The following GPHN variants were observed in gnomAD, a reference collection of about 807,000 sequenced individuals.
GPHN encodes the protein gephyrin.
GPHN carries 17 observed loss-of-function variants against 95.5 expected under a neutral mutation model. That is an observed-to-expected ratio of 0.18 (90% confidence interval 0.12 to 0.27). The LOEUF is 0.27. Among genes scored for constraint, GPHN ranks in the 10% least tolerant of loss-of-function variants. GPHN has a pLI of 1.00. For missense variants in GPHN, 660 were observed against 978.1 expected (o/e 0.67, Z 4.34); for synonymous variants, 320 against 322.5 (o/e 0.99, Z 0.08).
intron 3 of GPHN, among the ~76,000 whole-genome samples, chr14:66,793,394 T>C (rs149103834): frequency 1.3e-5 from 2 of 152,256 alleles, no homozygotes; most frequent in East Asian, 3.9e-4. Flanking sequence ...CACCAGATGG[T>C]ATGTCAAATC....
the GPHN span, among the ~76,000 whole-genome samples, chr14:67,520,690 G>A: frequency 1.1e-4 from 15 of 142,672 alleles, no homozygotes; most frequent in East Asian, 2.0e-3. Context: ...TCCTTTGGGC[G>A]TACCACAGTT....
At chr14:67,399,617 AG>A in the GPHN span, among the ~76,000 whole-genome samples, 3 of 147,388 alleles carry the variant, frequency 2.0e-5, no homozygotes, top group South Asian at 2.3e-4. Flanking sequence ...CTCAGGTGGC[AG>A]GAATAAAGAG....
chr14:67,143,746 C>T (rs1013164843), intron 18 of GPHN, among the ~76,000 whole-genome samples: 1 of 152,082 alleles, frequency 6.6e-6, no homozygotes, highest in Non-Finnish European at 1.5e-5. Flanking sequence ...ATCCTTTATG[C>T]ATGATATTTA....
chr14:66,700,263 C>T (rs2068434817), intron 2 of GPHN, among the ~76,000 whole-genome samples: 1 of 152,094 alleles, frequency 6.6e-6, no homozygotes, highest in Non-Finnish European at 1.5e-5. Flanking sequence ...TATACATTTT[C>T]AAAGAGAGAG....
At chr14:67,674,385 C>T in the GPHN span, 1 of 1,597,864 alleles carries the variant, frequency 6.3e-7, no homozygotes, top group African/African-American at 1.3e-5. Flanking sequence ...CGGTCCCCGC[C>T]GTCCCCAGCA....
At chr14:66,882,450 A>G (rs2063974726) in intron 5 of GPHN, among the ~76,000 whole-genome samples, 1 of 151,824 alleles carries the variant, frequency 6.6e-6, no homozygotes, top group Non-Finnish European at 1.5e-5. Flanking sequence ...ATGGTTTCCT[A>G]CTATTTGGAC....
intron 1 of GPHN, among the ~76,000 whole-genome samples, chr14:66,545,154 GCCGGGCAGAGGCGCCCCCCAC>G (rs1352365734): frequency 1.3e-5 from 2 of 152,026 alleles, no homozygotes; most frequent in Admixed American, 6.5e-5. Context: ...AGTAGGGGCG[GCCGGGCAGAGGCGCCCCCCAC>G]CTCCCGGACG....
intron 9 of GPHN, chr14:66,985,721 A>G (rs2070984002): frequency 6.5e-7 from 1 of 1,528,532 alleles, no homozygotes; most frequent in African/African-American, 1.4e-5. Flanking sequence ...AGTTGCTAGT[A>G]GAGTTGGATC....
At chr14:66,924,396 A>G in intron 8 of GPHN, 104 bp downstream of exon 8, 1 of 735,764 alleles carries the variant, frequency 1.4e-6, no homozygotes. Flanking sequence ...TTTTATTCTG[A>G]TGGATTTTCA....
intron 1 of GPHN, among the ~76,000 whole-genome samples, chr14:66,525,929 A>T (rs28776299): frequency 6.6e-6 from 1 of 151,750 alleles, no homozygotes; most frequent in African/African-American, 2.4e-5. Context: ...TGATGCCTCC[A>T]GCTTTGTTCT....
At chr14:67,079,911 T>A (rs1234246712) in intron 11 of GPHN, among the ~76,000 whole-genome samples, 2 of 152,100 alleles carry the variant, frequency 1.3e-5, no homozygotes, top group Non-Finnish European at 2.9e-5. Flanking sequence ...ATTCAAGACC[T>A]TGCTTTTAAT....
At chr14:67,199,410 A>T in the GPHN span, 13 of 1,613,828 alleles carry the variant, frequency 8.1e-6, no homozygotes, top group Non-Finnish European at 1.0e-5. Flanking sequence ...AAGTTGCTTT[A>T]TGATACTTTC....
At chr14:67,235,162 A>AC in the GPHN span, among the ~76,000 whole-genome samples, 1 of 151,500 alleles carries the variant, frequency 6.6e-6, no homozygotes, top group Admixed American at 6.6e-5. Context: ...GTCTCAAAAA[A>AC]AAAAAAGTTC....
the GPHN span, among the ~76,000 whole-genome samples, chr14:67,543,507 G>C: frequency 0.5 from 75,679 of 152,032 alleles, 19,401 homozygotes; most frequent in Non-Finnish European, 0.55. Context: ...CCAGAACCAC[G>C]TAGAGTGCTT....
the GPHN span, among the ~76,000 whole-genome samples, chr14:67,264,990 A>G: frequency 6.6e-6 from 1 of 152,110 alleles, no homozygotes; most frequent in Non-Finnish European, 1.5e-5. Flanking sequence ...GTTATAATAC[A>G]TGTTACTCTT....
chr14:66,589,530 A>G (rs1157941311), intron 1 of GPHN, among the ~76,000 whole-genome samples: 1 of 151,698 alleles, frequency 6.6e-6, no homozygotes, highest in East Asian at 1.9e-4. Context: ...CTTTAAACCA[A>G]CAAAGATAAA....
In GPHN at chr14:66,662,412, G is replaced by A. The variant is rs554620947; in HGVS notation, c.65-18695G>A. On this transcript the variant is annotated intron_variant, in intron 1 of 22. Coordinates refer to ENST00000478722, the MANE Select transcript of GPHN (RefSeq NM_020806.5). ...GACTAGGGACTAGAGCAGATGCCCAGCAAACCACAGCAGCCCTGTGAAAAG... is the reference window on the plus strand; with the variant it reads ...GACTAGGGACTAGAGCAGATGCCCAACAAACCACAGCAGCCCTGTGAAAAG... Among the ~76,000 whole-genome samples, 12 of 151,810 alleles carry A rather than the reference G, an allele frequency of 7.9e-5. No individual in the cohort carries two copies. The South Asian group carries it at 1.0e-3, about 13-fold the overall frequency.
chr14:67,027,705 TC>T (rs1238411329), intron 10 of GPHN, among the ~76,000 whole-genome samples: 1 of 126,612 alleles, frequency 7.9e-6, no homozygotes, highest in Non-Finnish European at 1.5e-5. Flanking sequence ...GATTAACTTT[TC>T]TAGATTTTTT....
chr14:67,156,413 T>C (rs1275656960), intron 18 of GPHN, among the ~76,000 whole-genome samples: 1 of 152,186 alleles, frequency 6.6e-6, no homozygotes. Context: ...TGATATGTTT[T>C]AAGGTTCTTG....
Sources: allele counts gnomAD v4.1 joint callset (sites outside exome capture counted in the v4.1 genomes callset), GRCh38; gene constraint gnomAD v4.1.1; transcripts MANE v1.5; gene names NCBI Gene and HGNC (gene_info 2026-07-23, HGNC 2026-07-21).